The following ACSM1 variants were observed in gnomAD, a reference collection of about 807,000 sequenced individuals.
ACSM1 encodes acyl-CoA synthetase medium chain family member 1, also known as acyl-coenzyme A synthetase ACSM1, mitochondrial.
Under a neutral mutation model 75.8 loss-of-function variants are expected in ACSM1, and 79 were observed. That is an observed-to-expected ratio of 1.04 (90% CI 0.87 to 1.26). ACSM1 has a LOEUF of 1.26. ACSM1 is among the 50% of genes most tolerant of loss of function. ACSM1 has a pLI of 0.00. For synonymous variants in ACSM1, 279 were observed against 265.8 expected, an observed-to-expected ratio of 1.05 and a Z score of -0.48; for missense variants, 676 against 720.1, an observed-to-expected ratio of 0.94 and a Z score of 0.70.
chr16:20,656,263 A>T (rs2018952263), intron 7 of ACSM1, among the ~76,000 whole-genome samples: 1 of 152,190 alleles, frequency 6.6e-6, no homozygotes, highest in Non-Finnish European at 1.5e-5. Context: ...TACATGAAAG[A>T]GTTCTAATCA....
At chr16:20,678,632 C>T (rs576041638) in intron 4 of ACSM1, among the ~76,000 whole-genome samples, 18 of 152,336 alleles carry the variant, frequency 1.2e-4, no homozygotes, top group African/African-American at 4.3e-4. Flanking sequence ...CAGATTTGGA[C>T]TGCCTCTAAC....
rs150332706 is a variant in ACSM1, at chr16:20,658,779, C to T, written c.992+3015G>A. 1.6e-4 allele frequency among the ~76,000 whole-genome samples: 25 copies of T among 152,276 alleles called. No homozygotes were observed. The East Asian group carries it at 4.1e-3, about 25-fold the overall frequency. ...TTTAATTTACACCCTCCTCAGGATG[C>T]TATACCTATGGAGACAAATTGGCCG... On this transcript the variant is annotated intron_variant, in intron 7 of 13. Transcript: ENST00000520010.
chr16:20,636,847 C>T lies in ACSM1; in HGVS notation c.1198-7G>A. The T allele has an allele frequency of 6.2e-7, 1 of 1,611,362 alleles. No individual in the cohort carries two copies. Among genetic ancestry groups the T allele is most frequent in the Non-Finnish European group, 8.5e-7 (1 of 1,177,958 alleles). On this transcript the variant is annotated splice_region_variant and splice_polypyrimidine_tract_variant and intron_variant, in intron 9 of 13. Transcript: ENST00000520010. ...TGCCCTTGTCATCAATGACCTGTAG[C>T]AAGAGGCCTGTGAATCATACACTGC...
rs71842093 is a variant in ACSM1, at chr16:20,685,819, C to CAAAAAAAA, written c.193-424_193-417dup. On this transcript the variant is annotated intron_variant, in intron 2 of 13. Transcript: ENST00000520010. Reference sequence around the variant, plus strand: ...TGGATGACACAGTGAGACTCCGTCTCAAAAAAAAAAAACAAACAAAAAAAA... The same window carrying CAAAAAAAA: ...TGGATGACACAGTGAGACTCCGTCTCAAAAAAAAAAAAAAAAAAAACAAACAAAAAAAA... Among the ~76,000 whole-genome samples the CAAAAAAAA allele has an allele frequency of 1.0e-3, 52 of 50,154 alleles. 9 individuals are homozygous for CAAAAAAAA. Among genetic ancestry groups the CAAAAAAAA allele is most frequent in the Non-Finnish European group, 1.4e-3 (43 of 30,834 alleles). The allele number at this position is 50,154 out of a possible 152,430, so 32.9% of individuals were successfully genotyped here.
At chr16:20,645,923 C>G (rs1353651350) in intron 7 of ACSM1, among the ~76,000 whole-genome samples, 1 of 152,188 alleles carries the variant, frequency 6.6e-6, no homozygotes, top group Non-Finnish European at 1.5e-5. Context: ...AAGCATACCT[C>G]TCTGTCACCT....
chr16:20,632,959 T>C (rs1045955941), intron 10 of ACSM1, among the ~76,000 whole-genome samples: 2 of 152,202 alleles, frequency 1.3e-5, no homozygotes, highest in Non-Finnish European at 2.9e-5. Flanking sequence ...GAGAAAGCAC[T>C]TGACAAAACT....
At chr16:20,624,269 A>G (rs201368085) in intron 12 of ACSM1, 54 bp from the exon 13 acceptor site, 35 of 1,535,122 alleles carry the variant, frequency 2.3e-5, no homozygotes, top group Non-Finnish European at 3.1e-5. Flanking sequence ...CCATAGCTTA[A>G]AAAGTCAATG....
intron 6 of ACSM1, among the ~76,000 whole-genome samples, chr16:20,663,548 CCACT>C (rs1397123680): frequency 6.6e-6 from 1 of 152,120 alleles, no homozygotes; most frequent in African/African-American, 2.4e-5. Flanking sequence ...ACATTCTGGA[CCACT>C]CACTCAGCCT....
chr16:20,663,274 T>A (rs2019388723), intron 6 of ACSM1, among the ~76,000 whole-genome samples: 1 of 152,176 alleles, frequency 6.6e-6, no homozygotes, highest in Non-Finnish European at 1.5e-5. Flanking sequence ...GTCACAGTTA[T>A]GCTTGATGCA....
chr16:20,681,636 TAGA>T (rs1230835392), intron 4 of ACSM1: 3 of 152,764 alleles, frequency 2.0e-5, no homozygotes, highest in Admixed American at 1.3e-4. Flanking sequence ...CCACTGCCAG[TAGA>T]AGAAGCTCAG....
At chr16:20,637,114 G>A (rs2152210432) in intron 9 of ACSM1, 1 of 758,920 alleles carries the variant, frequency 1.3e-6, no homozygotes, top group East Asian at 2.5e-5. Flanking sequence ...TTGCTAGAGA[G>A]GGCTCCCAGT....
rs145349703 is a variant in ACSM1 at position 20,625,472 on chromosome 16, G to A, written c.1478C>T (p.Ala493Val). 59 of 1,614,052 alleles carry A rather than the reference G, an allele frequency of 3.7e-5. No individual in the cohort carries two copies. Among genetic ancestry groups the A allele is most frequent in the South Asian group, 3.1e-4 (28 of 91,068 alleles). The part of the protein sequence containing the change: ...EVESALVEHP[A>V]VAESAVVGSP... ...GCCCACCACGGCTGACTCCGCCACC[G>A]CTGGGTGCTCCACCAAAGCGCTTTC... is the stretch of plus-strand genomic sequence containing the variant. The change falls in exon 12 of 14, where the codon GCG becomes GTG. Residue 493 changes from alanine to valine, a missense_variant. Ala to Val is a moderately conservative substitution (Grantham distance 64). Coordinates refer to ENST00000520010, the MANE Select transcript of ACSM1 (RefSeq NM_001318890.3).
intron 3 of ACSM1, 112 bp from the exon 4 acceptor site, chr16:20,682,575 C>G (rs1390553699): frequency 2.6e-6 from 2 of 762,778 alleles, no homozygotes; most frequent in Non-Finnish European, 4.4e-6. Context: ...AAAGTACAGG[C>G]CACAGAACAA....
At chr16:20,695,619 CCTAT>C (rs1396053136) in intron 1 of ACSM1, among the ~76,000 whole-genome samples, 6 of 151,978 alleles carry the variant, frequency 3.9e-5, no homozygotes, top group South Asian at 4.2e-4. Flanking sequence ...CTATCTATTA[CCTAT>C]CTATTATGTA....
intron 1 of ACSM1, among the ~76,000 whole-genome samples, chr16:20,695,348 A>C (rs995292082): frequency 1.3e-5 from 2 of 152,234 alleles, no homozygotes; most frequent in African/African-American, 4.8e-5. Context: ...TCCTGCAAAA[A>C]GCATTCAGCA....
At chr16:20,635,540 T>TATAA (rs2017614573) in intron 10 of ACSM1, among the ~76,000 whole-genome samples, 1 of 152,164 alleles carries the variant, frequency 6.6e-6, no homozygotes, top group African/African-American at 2.4e-5. Context: ...TGCCTGGACA[T>TATAA]TATATAAAAT....
chr16:20,669,885 G>T lies in ACSM1; in HGVS notation c.854C>A (p.Ala285Glu). The change falls in exon 6 of 14, where the codon GCG (alanine) becomes GAG (glutamate). Residue 285 changes from alanine (A) to glutamate (E), a missense_variant. Coordinates refer to ENST00000520010, the MANE Select transcript of ACSM1 (RefSeq NM_001318890.3). Reference sequence around the variant, plus strand: ...ATGGTGGATAAAGACTGTACAACCCGCTGTCCATGGTTCTACCAGGGTCCA... The same window carrying T: ...ATGGTGGATAAAGACTGTACAACCCTCTGTCCATGGTTCTACCAGGGTCCA... ...TIWTLVEPWT[A>E]GCTVFIHHLP... is the part of the protein sequence containing the mutation. 1 of 1,613,908 alleles carries T rather than the reference G, an allele frequency of 6.2e-7. No individual in the cohort carries two copies. The highest frequency in any genetic ancestry group is 8.5e-7 in the Non-Finnish European group (1 of 1,179,896).
Position 20,623,424 on chromosome 16 carries a change from G to C in ACSM1, c.*62C>G. 6.9e-7 allele frequency: 1 copy of C among 1,446,274 alleles called. No homozygotes were observed. Among genetic ancestry groups the C allele is most frequent in the African/African-American group, 1.4e-5 (1 of 71,580 alleles). The allele number at this position is 1,446,274 out of a possible 1,614,324, so 89.6% of individuals were successfully genotyped here. A position where few individuals can be genotyped will look rare whatever the true frequency, so the allele number is the denominator to read the frequency against. On this transcript the variant is annotated 3_prime_UTR_variant, in exon 14 of 14. Transcript: ENST00000520010. ...CCCCACCCTCGTCCTCACCATAGTG[G>C]GGAGACTAAAGTGGCCAGGGATTTG...
At chr16:20,638,648 G>T (rs1038884978) in intron 8 of ACSM1, among the ~76,000 whole-genome samples, 1 of 152,172 alleles carries the variant, frequency 6.6e-6, no homozygotes, top group Non-Finnish European at 1.5e-5. Context: ...CCATTTAAAG[G>T]TGGGGGAGCT....
Sources: gnomAD v4.1 joint callset for allele counts (sites outside exome capture counted in the v4.1 genomes callset) on GRCh38, gnomAD v4.1.1 for gene constraint, MANE v1.5 for transcripts, NCBI Gene and HGNC (gene_info 2026-07-23, HGNC 2026-07-21) for gene names.